Variants in SLC12A4 observed in about 807,000 individuals in gnomAD.
SLC12A4 encodes the protein electroneutral potassium-chloride cotransporter 1.
Under a neutral mutation model 119.2 loss-of-function variants are expected in SLC12A4, and 84 were observed. The ratio of observed to expected loss-of-function variants is 0.70; its 90% CI spans 0.59 to 0.85. The LOEUF (loss-of-function observed/expected upper bound fraction) is 0.85. Among genes scored for constraint, SLC12A4 ranks in the 40% least tolerant of loss-of-function variants. The pLI is 0.00. For missense variants in SLC12A4, 1,298 were observed against 1,476.3 expected, an observed-to-expected ratio of 0.88 and a Z score of 1.98; for synonymous variants, 599 against 604.6, an observed-to-expected ratio of 0.99 and a Z score of 0.14.
chr16:67,964,978 T>C (rs2030798651), intron 1 of SLC12A4, among the ~76,000 whole-genome samples: 1 of 152,148 alleles, frequency 6.6e-6, no homozygotes, highest in Admixed American at 6.6e-5. Context: ...AGTTCTTCCT[T>C]CCCACAGCAT....
At chr16:67,945,045 G>A in intron 23 of SLC12A4, 42 bp downstream of exon 23, 2 of 1,585,918 alleles carry the variant, frequency 1.3e-6, no homozygotes, top group Non-Finnish European at 1.7e-6. Context: ...GACCTCCCAT[G>A]CTATCCACCT....
Position 67,947,390 on chromosome 16 carries a change from G to C in SLC12A4, c.2013C>G (p.Ser671Arg), listed in dbSNP as rs779571078. 2.5e-6 allele frequency: 4 copies of C among 1,612,722 alleles called. No individual in the cohort carries two copies. The highest frequency in any genetic ancestry group is 1.3e-5 in the African/African-American group (1 of 74,930). The change falls in exon 16 of 24, where the codon AGC (serine) becomes AGG (arginine). Residue 671 changes from serine (S) to arginine (R), a missense_variant. Coordinates refer to ENST00000316341, the MANE Select transcript of SLC12A4 (RefSeq NM_005072.5). ...GCCGCAACAGCGCGTAGCGGGCAGC[G>C]CTCAGGGACAGGCCTCGGATCCCGT... ...WGDGIRGLSL[S>R]AARYALLRLE...
chr16:67,968,155 G>A (rs1389012220), intron 1 of SLC12A4, among the ~76,000 whole-genome samples: 2 of 152,088 alleles, frequency 1.3e-5, no homozygotes, highest in Non-Finnish European at 2.9e-5. Context: ...CGGCCCGGCC[G>A]GCTGGCCTCC....
rs2058314630 is a variant in SLC12A4 at position 67,944,123 on chromosome 16, C to T, written c.*717G>A. Reference sequence around the variant, plus strand: ...CCATTCCAGCCCTGGTGCCTACTGCCAGAGAAAGCGGCACTGGGCTGTCCT... The same window carrying T: ...CCATTCCAGCCCTGGTGCCTACTGCTAGAGAAAGCGGCACTGGGCTGTCCT... On this transcript the variant is annotated 3_prime_UTR_variant, in exon 24 of 24. Transcript: ENST00000316341. The surrounding 1 kb of genome is among the most constrained non-coding windows in gnomAD (Gnocchi z 6.6). The T allele has an allele frequency of 6.5e-7, 1 of 1,546,428 alleles. No homozygotes were observed. Among genetic ancestry groups the T allele is most frequent in the African/African-American group, 1.4e-5 (1 of 73,076 alleles).
chr16:67,947,532 C>A (rs1474601430), intron 15 of SLC12A4, 97 bp from the exon 16 acceptor site: 1 of 1,491,184 alleles, frequency 6.7e-7, no homozygotes, highest in Non-Finnish European at 9.1e-7. Context: ...TCAAGACCAC[C>A]CAGGGGTCCT....
Position 67,946,651 on chromosome 16 carries a change from A to G in SLC12A4, c.2242-18T>C. ...TTGATGGTCTGTGGGGAACACACCC[A>G]GGGCCAATGGGAGGCCATCAGCTTC... On this transcript the variant is annotated intron_variant, in intron 17 of 23. Transcript: ENST00000316341. The G allele has an allele frequency of 6.3e-7, 1 of 1,596,618 alleles. No individual in the cohort carries two copies. Among genetic ancestry groups the G allele is most frequent in the Non-Finnish European group, 8.6e-7 (1 of 1,167,534 alleles).
In SLC12A4 at chr16:67,949,919, CTG is replaced by C; in HGVS notation, c.1630-3_1630-2del. The stretch of plus-strand genomic sequence containing the variant: ...CATTCACCTTCCCGTGGCCAAACAC[CTG>C]TGTGCACCAGGAAGGAAGCTGGGTC... On this transcript the variant is annotated splice_acceptor_variant and splice_polypyrimidine_tract_variant and intron_variant, in intron 12 of 23. Coordinates refer to ENST00000316341, the MANE Select transcript of SLC12A4 (RefSeq NM_005072.5). LOFTEE classifies it high-confidence loss of function. This position sits in a 1 kb window ranked among gnomAD's most constrained non-coding sequence, Gnocchi z 4.6. The C allele has an allele frequency of 6.2e-7, 1 of 1,607,320 alleles. No individual in the cohort carries two copies. Among genetic ancestry groups the C allele is most frequent in the Non-Finnish European group, 8.5e-7 (1 of 1,174,424 alleles).
chr16:67,954,387 A>G (rs534195004), intron 6 of SLC12A4, among the ~76,000 whole-genome samples: 4 of 152,342 alleles, frequency 2.6e-5, no homozygotes, highest in Non-Finnish European at 4.4e-5. Flanking sequence ...CATGGCTGCA[A>G]TGGTGCCCAG....
Position 67,950,335 on chromosome 16 carries a change from ATGT to A in SLC12A4, c.1610_1612del (p.Asn537del). On this transcript the variant is annotated inframe_deletion, in exon 12 of 24. Coordinates refer to ENST00000316341, the MANE Select transcript of SLC12A4 (RefSeq NM_005072.5). The surrounding 1 kb of genome is among the most constrained non-coding windows in gnomAD (Gnocchi z 4.3). ...GGGGCTCACCCGGAGGAAGGGGATG[ATGT>A]TGTCCTTGGCAATGGCCTGCAATAG... 1 of 1,613,880 alleles carries A rather than the reference ATGT, an allele frequency of 6.2e-7. No homozygotes were observed. The highest frequency in any genetic ancestry group is 8.5e-7 in the Non-Finnish European group (1 of 1,179,994).
chr16:67,959,901 G>A (rs747723687), intron 3 of SLC12A4, among the ~76,000 whole-genome samples: 6 of 152,180 alleles, frequency 3.9e-5, no homozygotes, highest in Non-Finnish European at 8.8e-5. Flanking sequence ...TTCCTTTTCC[G>A]AGGCCCCTGC....
chr16:67,946,233 A>G lies in SLC12A4; in HGVS notation c.2545T>C (p.Trp849Arg). 1 of 1,613,812 alleles carries G rather than the reference A, an allele frequency of 6.2e-7. No homozygotes were observed. The highest frequency in any genetic ancestry group is 8.5e-7 in the Non-Finnish European group (1 of 1,180,022). Residue 849 changes from tryptophan to arginine, a missense_variant, in exon 19 of 24, where the codon TGG becomes CGG. Coordinates refer to ENST00000316341, the MANE Select transcript of SLC12A4 (RefSeq NM_005072.5). ...ERYLEGHIDV[W>R]WIVHDGGMLM... ...ATGCCACCATCGTGCACGATCCACC[A>G]CACGTCTATGTGGCCCTCCAGGTAG...
rs556589413 is a variant in SLC12A4, at chr16:67,963,842, A to ACGGGGCCTGCAGAGGGG, written c.116-300_116-284dup. 10,147 of 1,501,934 alleles carry ACGGGGCCTGCAGAGGGG rather than the reference A, an allele frequency of 6.8e-3. 584 individuals are homozygous for ACGGGGCCTGCAGAGGGG. In the African/African-American group the frequency reaches 0.12, roughly 18 times the overall value. 93.0% of individuals were successfully genotyped at this position (1,501,934 alleles called of 1,614,324 possible). A position where few individuals can be genotyped will look rare whatever the true frequency, so the allele number is the denominator to read the frequency against. On this transcript the variant is annotated intron_variant, in intron 1 of 23. Transcript: ENST00000316341. ...CACAAGCACGTATGGACACTGAGGG[A>ACGGGGCCTGCAGAGGGG]CGGGGCCTGCAGAGGGGCGGGGCCA...
intron 14 of SLC12A4, 45 bp from the exon 15 acceptor site, chr16:67,947,833 C>T (rs1173857839): frequency 1.3e-6 from 2 of 1,550,714 alleles, no homozygotes; most frequent in Non-Finnish European, 1.7e-6. Context: ...CCAGGAGGAC[C>T]CCTGGCCACA....
chr16:67,944,658 G>A lies in SLC12A4; in HGVS notation c.*182C>T. On this transcript the variant is annotated 3_prime_UTR_variant, in exon 24 of 24. Coordinates refer to ENST00000316341, the MANE Select transcript of SLC12A4 (RefSeq NM_005072.5). This position sits in a 1 kb window ranked among gnomAD's most constrained non-coding sequence, Gnocchi z 6.6. Reference sequence around the variant, plus strand: ...ACATCCCAGGGTCCCACAAGACCTGGGATCCATCTCCATTTTGAGGCCCAG... The same window carrying A: ...ACATCCCAGGGTCCCACAAGACCTGAGATCCATCTCCATTTTGAGGCCCAG... 3 of 1,427,150 alleles carry A rather than the reference G, an allele frequency of 2.1e-6. No homozygotes were observed. The highest frequency in any genetic ancestry group is 2.6e-4 in the Middle Eastern group (1 of 3,834). 88.4% of individuals were successfully genotyped at this position (1,427,150 alleles called of 1,614,324 possible). A position where few individuals can be genotyped will look rare whatever the true frequency, so the allele number is the denominator to read the frequency against.
chr16:67,966,675 A>C, intron 1 of SLC12A4: 54 of 1,512,384 alleles, frequency 3.6e-5, no homozygotes, highest in East Asian at 7.4e-5. Flanking sequence ...GGGAAGGGGC[A>C]GGAGATAGAT....
chr16:67,966,860 C>A lies in SLC12A4; in HGVS notation c.115+1579G>T, dbSNP rs531432718. The A allele has an allele frequency of 7.2e-6, 11 of 1,536,718 alleles. No homozygotes were observed. In the Admixed American group the frequency reaches 1.2e-4, roughly 17 times the overall value. Reference sequence around the variant, plus strand: ...CAGTGGGAGGAGCTGGCCTAGCTTGCGGGGATCTAGCAGGACTCAGCCAAT... The same window carrying A: ...CAGTGGGAGGAGCTGGCCTAGCTTGAGGGGATCTAGCAGGACTCAGCCAAT... On this transcript the variant is annotated intron_variant, in intron 1 of 23. Coordinates refer to ENST00000316341, the MANE Select transcript of SLC12A4 (RefSeq NM_005072.5).
intron 3 of SLC12A4, among the ~76,000 whole-genome samples, chr16:67,960,131 G>A (rs1280265275): frequency 1.4e-4 from 21 of 152,196 alleles, no homozygotes; most frequent in Admixed American, 1.4e-3. Context: ...GGGATGATGG[G>A]CTCTCTCTGG....
intron 1 of SLC12A4, 89 bp from the exon 2 acceptor site, chr16:67,963,648 G>T: frequency 9.5e-7 from 1 of 1,057,686 alleles, no homozygotes. Flanking sequence ...AATCATTTCT[G>T]TGGAGCACTT....
Position 67,950,255 on chromosome 16 carries a change from T to C in SLC12A4, c.1629+64A>G, listed in dbSNP as rs1216345563. Reference sequence around the variant, plus strand: ...ACGTGCTGCATCTGTGTTCCCTATCTCTCTCCCCAGCCGGGCGAGGGCCTG... The same window carrying C: ...ACGTGCTGCATCTGTGTTCCCTATCCCTCTCCCCAGCCGGGCGAGGGCCTG... On this transcript the variant is annotated intron_variant, in intron 12 of 23. Coordinates refer to ENST00000316341, the MANE Select transcript of SLC12A4 (RefSeq NM_005072.5). The surrounding 1 kb of genome is among the most constrained non-coding windows in gnomAD (Gnocchi z 4.3). The C allele has an allele frequency of 7.7e-6, 12 of 1,564,428 alleles. No homozygotes were observed. Among genetic ancestry groups the C allele is most frequent in the African/African-American group, 1.4e-5 (1 of 73,414 alleles).
Sources: gnomAD v4.1 joint callset for allele counts (sites outside exome capture counted in the v4.1 genomes callset) on GRCh38, gnomAD v4.1.1 for gene constraint, Gnocchi (gnomAD v3.1) non-coding constraint, MANE v1.5 for transcripts, NCBI Gene and HGNC (gene_info 2026-07-23, HGNC 2026-07-21) for gene names.